The following KMT2D variants were observed in gnomAD, a reference collection of about 807,000 sequenced individuals.
The protein encoded by KMT2D is histone-lysine N-methyltransferase 2D.
Under a neutral mutation model 512.7 loss-of-function variants are expected in KMT2D, and 55 were observed. That is an observed-to-expected ratio of 0.11 (90% CI 0.09 to 0.13). The LOEUF (loss-of-function observed/expected upper bound fraction) is 0.13, where lower values mean the gene tolerates loss of function less well. KMT2D is among the 10% of genes least tolerant of loss of function. KMT2D has a pLI of 1.00. For missense variants in KMT2D, 6,061 were observed against 7,127.9 expected, an observed-to-expected ratio of 0.85 and a Z score of 5.39; for synonymous variants, 2,995 against 2,904.0, an observed-to-expected ratio of 1.03 and a Z score of -1.01.
Position 49,053,994 on chromosome 12 carries a change from C to T in KMT2D, c.657G>A (p.Glu219=), listed in dbSNP as rs1938244763. 2 of 1,613,848 alleles carry T rather than the reference C, an allele frequency of 1.2e-6. No homozygotes were observed. Among genetic ancestry groups the T allele is most frequent in the African/African-American group, 1.3e-5 (1 of 75,032 alleles). ...ACTTCTCACCCAGATATGCAGCCCC[C>T]TCACTGTGCTCTGGGCATAGCAGCT... is the stretch of plus-strand genomic sequence containing the variant. The part of the protein sequence containing the change: ...TLQLLCPEHS[E]GAAYLEEARC... Residue 219 remains glutamate (E), a synonymous_variant, in exon 6 of 55, where the codon GAG becomes GAA. Transcript: ENST00000301067.
chr12:49,053,729 C>T, intron 6 of KMT2D, 88 bp from the exon 7 acceptor site: 1 of 1,409,996 alleles, frequency 7.1e-7, no homozygotes, highest in Admixed American at 2.3e-5. Flanking sequence ...ACTCCATGGG[C>T]ACAGAATGAA....
In KMT2D at chr12:49,031,275, C is replaced by T; in HGVS notation, c.13430G>A (p.Gly4477Glu). The change falls in exon 40 of 55, where the codon GGG becomes GAG. Residue 4477 changes from glycine to glutamate, a missense_variant. Physicochemically the swap from Gly to Glu is moderately conservative, Grantham distance 98. Transcript: ENST00000301067. ...LRAKNVQLSTGRGSEGLRAEI... is the reference protein window; with the variant it reads ...LRAKNVQLSTERGSEGLRAEI... Reference sequence around the variant, plus strand: ...AGCTCGCAGCCCCTCGGACCCCCGCCCAGTGCTGAGTTGCACATTCTTTGC... The same window carrying T: ...AGCTCGCAGCCCCTCGGACCCCCGCTCAGTGCTGAGTTGCACATTCTTTGC... 1.2e-6 allele frequency: 2 copies of T among 1,613,494 alleles called. No homozygotes were observed. The highest frequency in any genetic ancestry group is 1.7e-6 in the Non-Finnish European group (2 of 1,179,898).
rs1181884057 is a variant in KMT2D at position 49,022,306 on chromosome 12, A to G, written c.16386T>C (p.Asp5462=). The stretch of plus-strand genomic sequence containing the variant: ...TGGCAGGGCCGCCGGTCAACGTAGC[A>G]TCAATCACATGTTCATTGTTTATTC... The part of the protein sequence containing the change: ...MFRINNEHVI[D]ATLTGGPARY... Residue 5462 remains aspartate (D), a synonymous_variant, in exon 53 of 55, where the codon GAT becomes GAC. Coordinates refer to ENST00000301067, the MANE Select transcript of KMT2D (RefSeq NM_003482.4). This position sits in a 1 kb window ranked among gnomAD's most constrained non-coding sequence, Gnocchi z 8.6. The G allele has an allele frequency of 6.2e-7, 1 of 1,610,254 alleles. No homozygotes were observed. The highest frequency in any genetic ancestry group is 8.5e-7 in the Non-Finnish European group (1 of 1,176,962).
Position 49,037,630 on chromosome 12 carries a change from G to T in KMT2D, c.9726C>A (p.Ala3242=). Residue 3242 remains alanine, a synonymous_variant, in exon 35 of 55, where the codon GCC becomes GCA. Coordinates refer to ENST00000301067, the MANE Select transcript of KMT2D (RefSeq NM_003482.4). The part of the protein sequence containing the change: ...ELDKMESSLV[A]SELPLLIEDL... ...CCTCAATGAGCAGGGGTAACTCGCT[G>T]GCTACCAGTGAGCTCTCCATCTTGT... 1 of 1,566,780 alleles carries T rather than the reference G, an allele frequency of 6.4e-7. No homozygotes were observed. The highest frequency in any genetic ancestry group is 8.7e-7 in the Non-Finnish European group (1 of 1,155,506).
chr12:49,054,758 A>G lies in KMT2D; in HGVS notation c.177-7T>C, dbSNP rs1565825409. The G allele has an allele frequency of 6.2e-7, 1 of 1,613,778 alleles. No homozygotes were observed. The highest frequency in any genetic ancestry group is 2.2e-5 in the East Asian group (1 of 44,872). On this transcript the variant is annotated splice_region_variant and splice_polypyrimidine_tract_variant and intron_variant, in intron 3 of 54. Coordinates refer to ENST00000301067, the MANE Select transcript of KMT2D (RefSeq NM_003482.4). The surrounding 1 kb of genome is among the most constrained non-coding windows in gnomAD (Gnocchi z 6.4). ...ACGCCGCACCGGACCCCCACTGTGG[A>G]CACACAAGCATCAGTACCACGCCAG...
rs149257543 is a variant in KMT2D at position 49,050,199 on chromosome 12, G to A, written c.3389C>T (p.Ala1130Val). The A allele has an allele frequency of 1.1e-5, 17 of 1,613,846 alleles. No individual in the cohort carries two copies. The African/African-American group carries it at 2.0e-4, about 19-fold the overall frequency. ...TCCAGGCTCTGGCTGTGAACCCGGAGCATCAATCCCATCCAGAGGGGCTGT... is the reference window on the plus strand; with the variant it reads ...TCCAGGCTCTGGCTGTGAACCCGGAACATCAATCCCATCCAGAGGGGCTGT... ...EDTAPLDGID[A>V]PGSQPEPGQT... Residue 1130 changes from alanine to valine, a missense_variant, in exon 12 of 55, where the codon GCT (alanine) becomes GTT (valine). Transcript: ENST00000301067.
In KMT2D at chr12:49,051,899, T is replaced by C; in HGVS notation, c.1784A>G (p.Glu595Gly). Residue 595 changes from glutamate to glycine, a missense_variant, in exon 11 of 55, where the codon GAG becomes GGG. This residue lies in a region of KMT2D where 848 missense variants were observed against 838.5 expected (regional missense o/e 1.01). Transcript: ENST00000301067. ...PEESPMSPPP[E>G]ASRLFPPFEE... ...AAATGGTGGGAACAGACGAGATGCC[T>C]CCGGTGGTGGAGACATGGGTGACTC... The C allele has an allele frequency of 6.2e-7, 1 of 1,611,926 alleles. No individual in the cohort carries two copies. The highest frequency in any genetic ancestry group is 8.5e-7 in the Non-Finnish European group (1 of 1,179,426).
chr12:49,032,020 G>A lies in KMT2D; in HGVS notation c.12685C>T (p.Arg4229Trp), dbSNP rs754805620. 19 of 1,609,204 alleles carry A rather than the reference G, an allele frequency of 1.2e-5. No individual in the cohort carries two copies. The highest frequency in any genetic ancestry group is 5.0e-5 in the Admixed American group (3 of 59,738). ...ACTGCCTGACTCTGCTGCAGCTGCC[G>A]CTGCATGAGGAGTGCCTGTAGCTGC... is the stretch of plus-strand genomic sequence containing the variant. ...QQQLQALLMQ[R>W]QLQQSQAVRQ... Residue 4229 changes from arginine (R) to tryptophan (W), a missense_variant, in exon 40 of 55, where the codon CGG (arginine) becomes TGG (tryptophan). Arg to Trp is a moderately radical substitution (Grantham distance 101). Transcript: ENST00000301067.
At position 49,042,415 on chromosome 12, in the gene KMT2D, C is replaced by T; in HGVS notation, c.5868-85G>A. On this transcript the variant is annotated intron_variant, in intron 28 of 54. Transcript: ENST00000301067. This position sits in a 1 kb window ranked among gnomAD's most constrained non-coding sequence, Gnocchi z 4.4. ...ACTGCCTAGAGCCCCAGGCCACTGCCCTGCCCCAAAAGAGGAGGGTCACTA... is the reference window on the plus strand; with the variant it reads ...ACTGCCTAGAGCCCCAGGCCACTGCTCTGCCCCAAAAGAGGAGGGTCACTA... 4.7e-6 allele frequency: 7 copies of T among 1,502,500 alleles called. No individual in the cohort carries two copies. The highest frequency in any genetic ancestry group is 5.4e-6 in the Non-Finnish European group (6 of 1,120,408). The allele number at this position is 1,502,500 out of a possible 1,614,324, so 93.1% of individuals were successfully genotyped here. A position where few individuals can be genotyped will look rare whatever the true frequency, so the allele number is the denominator to read the frequency against.
At chr12:49,025,156 C>T (rs953599674) in intron 49 of KMT2D, among the ~76,000 whole-genome samples, 9 of 152,168 alleles carry the variant, frequency 5.9e-5, no homozygotes, top group Non-Finnish European at 1.2e-4. Context: ...CATCACAGAG[C>T]CTTGAGATAC....
chr12:49,050,283 G>C lies in KMT2D; in HGVS notation c.3305C>G (p.Ser1102Cys), dbSNP rs780788375. 6.2e-7 allele frequency: 1 copy of C among 1,611,598 alleles called. No individual in the cohort carries two copies. Among genetic ancestry groups the C allele is most frequent in the South Asian group, 1.1e-5 (1 of 90,640 alleles). ...TGGGGCAGGGCTGGGGGCGGGGCAG[G>C]AAAGGTCCCCCATTGGGGAAGGGAG... The part of the protein sequence containing the change: ...SPLPSPMGDL[S>C]CPAPSPAPAL... The change falls in exon 12 of 55, where the codon TCC becomes TGC. Residue 1102 changes from serine to cysteine, a missense_variant. This residue lies in a region of KMT2D where 447 missense variants were observed against 500.1 expected (regional missense o/e 0.89). Coordinates refer to ENST00000301067, the MANE Select transcript of KMT2D (RefSeq NM_003482.4).
chr12:49,057,838 G>A (rs1938501027), intron 1 of KMT2D, among the ~76,000 whole-genome samples: 1 of 152,176 alleles, frequency 6.6e-6, no homozygotes, highest in Admixed American at 6.5e-5. Flanking sequence ...TTTCTCCACA[G>A]AACTAGAGAT....
rs1307944720 is a variant in KMT2D, at chr12:49,060,498, C to T, written c.-923G>A. On this transcript the variant is annotated 5_prime_UTR_variant, in exon 1 of 55. Transcript: ENST00000301067. The stretch of plus-strand genomic sequence containing the variant: ...GAGGTGCATGGCCCAACCCCGGCTC[C>T]CGGCACCGGGGGGTCAGGAAACTGA... 1.3e-5 allele frequency among the ~76,000 whole-genome samples: 2 copies of T among 152,220 alleles called. No homozygotes were observed. Among genetic ancestry groups the T allele is most frequent in the Non-Finnish European group, 2.9e-5 (2 of 68,030 alleles).
rs746543692 is a variant in KMT2D, at chr12:49,050,617, T to C, written c.2971A>G (p.Thr991Ala). 4 of 1,611,652 alleles carry C rather than the reference T, an allele frequency of 2.5e-6. No individual in the cohort carries two copies. The South Asian group carries it at 4.4e-5, about 18-fold the overall frequency. ...ATAGGGGGGACAGGCTCAGGGTCAGTGCAGTTAGCTTCTGGTGGAGGGCTG... is the reference window on the plus strand; with the variant it reads ...ATAGGGGGGACAGGCTCAGGGTCAGCGCAGTTAGCTTCTGGTGGAGGGCTG... ...PISPPPEANC[T>A]DPEPVPPMIL... Residue 991 changes from threonine to alanine, a missense_variant, in exon 12 of 55, where the codon ACT (threonine) becomes GCT (alanine). Coordinates refer to ENST00000301067, the MANE Select transcript of KMT2D (RefSeq NM_003482.4).
chr12:49,037,790 C>G lies in KMT2D; in HGVS notation c.9566G>C (p.Gly3189Ala), dbSNP rs919478619. 1 of 1,596,214 alleles carries G rather than the reference C, an allele frequency of 6.3e-7. No homozygotes were observed. Among genetic ancestry groups the G allele is most frequent in the Non-Finnish European group, 8.5e-7 (1 of 1,171,166 alleles). ...TAEKASFGAT[G>A]GPPAHLLTPS... The stretch of plus-strand genomic sequence containing the variant: ...GGTCAGCAGGTGAGCTGGTGGTCCT[C>G]CCGTGGCCCCAAAGGAGGCCTTCTC... The change falls in exon 35 of 55, where the codon GGA becomes GCA. Residue 3189 changes from glycine to alanine, a missense_variant. Around this residue, in one of 16 missense-constraint regions of KMT2D, gnomAD observed 533 missense variants for 539.6 expected, o/e 0.99. Transcript: ENST00000301067.
At position 49,053,333 on chromosome 12, in the gene KMT2D, C is replaced by T. The variant is rs963785393; in HGVS notation, c.840-12G>A. 1 of 1,609,936 alleles carries T rather than the reference C, an allele frequency of 6.2e-7. No homozygotes were observed. The highest frequency in any genetic ancestry group is 1.3e-5 in the African/African-American group (1 of 74,858). ...CATTCCCAGGTTTCCTGCAGGTGCACATGGAACATTACAGTGTCCTCTCTG... is the reference window on the plus strand; with the variant it reads ...CATTCCCAGGTTTCCTGCAGGTGCATATGGAACATTACAGTGTCCTCTCTG... On this transcript the variant is annotated splice_polypyrimidine_tract_variant and intron_variant, in intron 7 of 54. Coordinates refer to ENST00000301067, the MANE Select transcript of KMT2D (RefSeq NM_003482.4).
intron 1 of KMT2D, among the ~76,000 whole-genome samples, chr12:49,056,269 C>T (rs1309974842): frequency 6.6e-6 from 1 of 152,162 alleles, no homozygotes; most frequent in Non-Finnish European, 1.5e-5. Flanking sequence ...CCTTCCTCTT[C>T]CCTCAAGCAG....
rs2137705339 is a variant in KMT2D, at chr12:49,022,385, A to G, written c.16339-32T>C. ...AGGCAGAGGTTGCAGAAGAAGGGAC[A>G]AGAGTATCAGAGAGTGGCAGTGGTG... On this transcript the variant is annotated intron_variant, in intron 52 of 54. Coordinates refer to ENST00000301067, the MANE Select transcript of KMT2D (RefSeq NM_003482.4). The surrounding 1 kb of genome is among the most constrained non-coding windows in gnomAD (Gnocchi z 8.6). 1 of 1,591,414 alleles carries G rather than the reference A, an allele frequency of 6.3e-7. No individual in the cohort carries two copies. Among genetic ancestry groups the G allele is most frequent in the Non-Finnish European group, 8.6e-7 (1 of 1,167,594 alleles).
rs398123710 is a variant in KMT2D, at chr12:49,032,533, T to C, written c.12172A>G (p.Met4058Val). 68 of 1,602,618 alleles carry C rather than the reference T, an allele frequency of 4.2e-5. 1 individual carries two copies. The highest frequency in any genetic ancestry group is 5.4e-5 in the Non-Finnish European group (64 of 1,174,610). ...PLAIGTTPES[M>V]ATEPGEVKPS... ...TTTACCTCTCCTGGTTCAGTGGCCA[T>C]TGACTCAGGGGTAGTTCCTATTGCT... Residue 4058 changes from methionine to valine, a missense_variant, in exon 40 of 55, where the codon ATG (methionine) becomes GTG (valine). Around this residue, in one of 16 missense-constraint regions of KMT2D, gnomAD observed 1,600 missense variants for 1,754.9 expected, o/e 0.91. Transcript: ENST00000301067.
Sources: gnomAD v4.1 joint callset for allele counts (sites outside exome capture counted in the v4.1 genomes callset) on GRCh38, gnomAD v4.1.1 for gene constraint, gnomAD v4.1.1 regional missense constraint, Gnocchi (gnomAD v3.1) non-coding constraint, MANE v1.5 for transcripts, NCBI Gene and HGNC (gene_info 2026-07-23, HGNC 2026-07-21) for gene names.